The following PABPC3 variants were observed in gnomAD, a reference collection of about 807,000 sequenced individuals.
PABPC3 encodes the protein polyadenylate-binding protein 3.
In PABPC3, 43 loss-of-function variants were observed where a neutral mutation model predicts 43.0. The ratio of observed to expected loss-of-function variants is 1.00; its 90% CI spans 0.78 to 1.29. PABPC3 has a LOEUF of 1.29. PABPC3 is among the 50% of genes most tolerant of loss of function. PABPC3 has a pLI of 0.00. For missense variants in PABPC3, 784 were observed against 798.1 expected (o/e 0.98, Z 0.21); for synonymous variants, 221 against 274.6 (o/e 0.80, Z 1.93).
rs17852446 is a variant in PABPC3 at position 25,097,422 on chromosome 13, A to G, written c.1224A>G (p.Pro408=). ...PPSGYFMTAV[P]QTQNHAAYYP... is the part of the protein sequence containing the mutation. ...CAGGTTACTTCATGACAGCTGTCCC[A>G]CAGACTCAGAACCATGCTGCATACT... The change falls in exon 1 of 1, where the codon CCA becomes CCG. Residue 408 remains proline (P), a synonymous_variant. Coordinates refer to ENST00000281589, the MANE Select transcript of PABPC3 (RefSeq NM_030979.3). 6.2e-7 allele frequency: 1 copy of G among 1,614,152 alleles called. No homozygotes were observed. The highest frequency in any genetic ancestry group is 1.1e-5 in the South Asian group (1 of 91,082).
rs551136415 is a variant in PABPC3 at position 25,097,894 on chromosome 13, C to A, written c.1696C>A (p.Gln566Lys). 3 of 1,613,966 alleles carry A rather than the reference C, an allele frequency of 1.9e-6. No homozygotes were observed. Among genetic ancestry groups the A allele is most frequent in the African/African-American group, 2.7e-5 (2 of 75,028 alleles). The change falls in exon 1 of 1, where the codon CAA (glutamine) becomes AAA (lysine). Residue 566 changes from glutamine (Q) to lysine (K), a missense_variant. Coordinates refer to ENST00000281589, the MANE Select transcript of PABPC3 (RefSeq NM_030979.3). ...MLGERLFPLI[Q>K]AMHPTLAGKI... ...AGGTGAACGGCTCTTTCCTCTTATTCAAGCCATGCACCCTACTCTTGCTGG... is the reference window on the plus strand; with the variant it reads ...AGGTGAACGGCTCTTTCCTCTTATTAAAGCCATGCACCCTACTCTTGCTGG...
In PABPC3 at chr13:25,097,416, T is replaced by A. The variant is rs1472331602; in HGVS notation, c.1218T>A (p.Ala406=). 1 of 1,614,050 alleles carries A rather than the reference T, an allele frequency of 6.2e-7. No individual in the cohort carries two copies. Among genetic ancestry groups the A allele is most frequent in the African/African-American group, 1.3e-5 (1 of 74,936 alleles). Reference sequence around the variant, plus strand: ...CTCCTTCAGGTTACTTCATGACAGCTGTCCCACAGACTCAGAACCATGCTG... The same window carrying A: ...CTCCTTCAGGTTACTTCATGACAGCAGTCCCACAGACTCAGAACCATGCTG... ...RAPPSGYFMT[A]VPQTQNHAAY... The change falls in exon 1 of 1, where the codon GCT becomes GCA. Residue 406 remains alanine (A), a synonymous_variant. Coordinates refer to ENST00000281589, the MANE Select transcript of PABPC3 (RefSeq NM_030979.3).
the PABPC3 span, chr13:25,096,352 T>TC: frequency 6.2e-7 from 1 of 1,614,204 alleles, no homozygotes; most frequent in Non-Finnish European, 8.5e-7. Context: ...CAGCGGCTCC[T>TC]CCAACTACGC....
chr13:25,096,367 G>A lies in PABPC3; in HGVS notation c.169G>A (p.Val57Met), dbSNP rs751245217. Reference protein sequence around the residue: ...ITSGSSNYAYVNFQHTKDAEH... With the variant: ...ITSGSSNYAYMNFQHTKDAEH... ...CAGCGGCTCCTCCAACTACGCGTATGTGAACTTCCAGCATACGAAGGACGC... is the reference window on the plus strand; with the variant it reads ...CAGCGGCTCCTCCAACTACGCGTATATGAACTTCCAGCATACGAAGGACGC... The change falls in exon 1 of 1, where the codon GTG becomes ATG. Residue 57 changes from valine to methionine, a missense_variant. By Grantham distance (21) the Val-to-Met change is conservative. Transcript: ENST00000281589. 5.5e-5 allele frequency: 89 copies of A among 1,614,114 alleles called. No individual in the cohort carries two copies. The South Asian group carries it at 9.3e-4, about 17-fold the overall frequency.
At position 25,096,586 on chromosome 13, in the gene PABPC3, G is replaced by A. The variant is rs1565996061; in HGVS notation, c.388G>A (p.Val130Met). Residue 130 changes from valine (V) to methionine (M), a missense_variant, in exon 1 of 1, where the codon GTG (valine) becomes ATG (methionine). Physicochemically the swap from Val to Met is conservative, Grantham distance 21. Coordinates refer to ENST00000281589, the MANE Select transcript of PABPC3 (RefSeq NM_030979.3). Reference protein sequence around the residue: ...SAFGNILSCNVVCDENGSKGY... With the variant: ...SAFGNILSCNMVCDENGSKGY... ...TTTTGGTAACATCCTTTCGTGTAAC[G>A]TGGTTTGTGATGAAAATGGTTCCAA... 5.0e-6 allele frequency: 8 copies of A among 1,614,260 alleles called. No individual in the cohort carries two copies. Among genetic ancestry groups the A allele is most frequent in the Admixed American group, 1.7e-5 (1 of 60,024 alleles).
rs868330957 is a variant in PABPC3 at position 25,096,866 on chromosome 13, T to C, written c.668T>C (p.Met223Thr). 1.9e-6 allele frequency: 3 copies of C among 1,614,286 alleles called. No homozygotes were observed. The Admixed American group carries it at 5.0e-5, about 27-fold the overall frequency. The change falls in exon 1 of 1, where the codon ATG (methionine) becomes ACG (threonine). Residue 223 changes from methionine to threonine, a missense_variant. By Grantham distance (81) the Met-to-Thr change is moderately conservative. Transcript: ENST00000281589. ...GGGCCCGCCTTAAGTGTGAAAGTAA[T>C]GACCGATGAAAGTGGAAAATCCAAA... is the stretch of plus-strand genomic sequence containing the variant. The part of the protein sequence containing the change: ...KFGPALSVKV[M>T]TDESGKSKGF...
At position 25,097,456 on chromosome 13, in the gene PABPC3, A is replaced by G; in HGVS notation, c.1258A>G (p.Ser420Gly). The change falls in exon 1 of 1, where the codon AGC becomes GGC. Residue 420 changes from serine (S) to glycine (G), a missense_variant. By Grantham distance (56) the Ser-to-Gly change is moderately conservative (BLOSUM62 0). Coordinates refer to ENST00000281589, the MANE Select transcript of PABPC3 (RefSeq NM_030979.3). ...TQNHAAYYPP[S>G]QIARLRPSPR... The stretch of plus-strand genomic sequence containing the variant: ...GAACCATGCTGCATACTATCCTCCT[A>G]GCCAAATTGCTCGACTAAGACCAAG... 2 of 1,614,210 alleles carry G rather than the reference A, an allele frequency of 1.2e-6. No individual in the cohort carries two copies. The highest frequency in any genetic ancestry group is 1.7e-6 in the Non-Finnish European group (2 of 1,180,038).
In PABPC3 at chr13:25,097,621, C is replaced by A. The variant is rs115121649; in HGVS notation, c.1423C>A (p.Arg475Ser). ...GGTTCCACGAGTCATGTCAACGCAGCGTGTTGCTAACACATCAACACAGAC... is the reference window on the plus strand; with the variant it reads ...GGTTCCACGAGTCATGTCAACGCAGAGTGTTGCTAACACATCAACACAGAC... Reference protein sequence around the residue: ...SQVPRVMSTQRVANTSTQTVG... With the variant: ...SQVPRVMSTQSVANTSTQTVG... The change falls in exon 1 of 1, where the codon CGT becomes AGT. Residue 475 changes from arginine (R) to serine (S), a missense_variant. Coordinates refer to ENST00000281589, the MANE Select transcript of PABPC3 (RefSeq NM_030979.3). 2.1e-6 allele frequency: 3 copies of A among 1,444,092 alleles called. No individual in the cohort carries two copies. The highest frequency in any genetic ancestry group is 1.9e-6 in the Non-Finnish European group (2 of 1,046,446). 89.5% of individuals were successfully genotyped at this position (1,444,092 alleles called of 1,614,324 possible). A position where few individuals can be genotyped will look rare whatever the true frequency, so the allele number is the denominator to read the frequency against.
At chr13:25,098,053 C>T in the PABPC3 span, 4 of 1,613,932 alleles carry the variant, frequency 2.5e-6, no homozygotes, top group Non-Finnish European at 2.5e-6. Flanking sequence ...AGAGGCTACC[C>T]AGAAAGCAGT....
At position 25,097,155 on chromosome 13, in the gene PABPC3, A is replaced by G. The variant is rs1329984978; in HGVS notation, c.957A>G (p.Thr319=). 5 of 1,614,296 alleles carry G rather than the reference A, an allele frequency of 3.1e-6. No homozygotes were observed. In the African/African-American group the frequency reaches 4.0e-5, roughly 13 times the overall value. Residue 319 remains threonine (T), a synonymous_variant, in exon 1 of 1, where the codon ACA becomes ACG. Coordinates refer to ENST00000281589, the MANE Select transcript of PABPC3 (RefSeq NM_030979.3). The stretch of plus-strand genomic sequence containing the variant: ...GGAAAGCGTTTTCTCCATTTGGTAC[A>G]ATCACTAGTGCAAAGGTTATGATGG... The part of the protein sequence containing the change: ...RLRKAFSPFG[T]ITSAKVMMEG...
rs746890216 is a variant in PABPC3, at chr13:25,097,481, G to C, written c.1283G>C (p.Ser428Thr). Reference sequence around the variant, plus strand: ...AGCCAAATTGCTCGACTAAGACCAAGTCCTCGCTGGACTGCTCAGGGTGCC... The same window carrying C: ...AGCCAAATTGCTCGACTAAGACCAACTCCTCGCTGGACTGCTCAGGGTGCC... ...PPSQIARLRP[S>T]PRWTAQGARP... The change falls in exon 1 of 1, where the codon AGT becomes ACT. Residue 428 changes from serine to threonine, a missense_variant. Ser to Thr is a moderately conservative substitution (Grantham distance 58). Coordinates refer to ENST00000281589, the MANE Select transcript of PABPC3 (RefSeq NM_030979.3). 1.2e-6 allele frequency: 2 copies of C among 1,614,242 alleles called. No individual in the cohort carries two copies. The highest frequency in any genetic ancestry group is 2.2e-5 in the South Asian group (2 of 91,092).
rs150896057 is a variant in PABPC3, at chr13:25,096,387, G to A, written c.189G>A (p.Lys63=). The change falls in exon 1 of 1, where the codon AAG becomes AAA. Residue 63 remains lysine, a synonymous_variant. Coordinates refer to ENST00000281589, the MANE Select transcript of PABPC3 (RefSeq NM_030979.3). ...NYAYVNFQHT[K]DAEHALDTMN... ...CGTATGTGAACTTCCAGCATACGAA[G>A]GACGCGGAGCATGCTCTGGACACCA... 1.4e-5 allele frequency: 22 copies of A among 1,614,122 alleles called. No homozygotes were observed. The highest frequency in any genetic ancestry group is 2.7e-5 in the African/African-American group (2 of 74,946).
chr13:25,097,223 C>G lies in PABPC3; in HGVS notation c.1025C>G (p.Ser342Cys), dbSNP rs1204303758. ...GGGTTTGGTTTTGTATGTTTCTCCT[C>G]CCCAGAAGAAGCCACTAAAGCAGTT... ...SKGFGFVCFS[S>C]PEEATKAVTE... Residue 342 changes from serine to cysteine, a missense_variant, in exon 1 of 1, where the codon TCC becomes TGC. Physicochemically the swap from Ser to Cys is moderately radical, Grantham distance 112. Transcript: ENST00000281589. 6.2e-7 allele frequency: 1 copy of G among 1,614,270 alleles called. No individual in the cohort carries two copies. Among genetic ancestry groups the G allele is most frequent in the South Asian group, 1.1e-5 (1 of 91,088 alleles).
Position 25,097,466 on chromosome 13 carries a change from C to T in PABPC3, c.1268C>T (p.Ala423Val). ...GCATACTATCCTCCTAGCCAAATTGCTCGACTAAGACCAAGTCCTCGCTGG... is the reference window on the plus strand; with the variant it reads ...GCATACTATCCTCCTAGCCAAATTGTTCGACTAAGACCAAGTCCTCGCTGG... ...HAAYYPPSQI[A>V]RLRPSPRWTA... The change falls in exon 1 of 1, where the codon GCT (alanine) becomes GTT (valine). Residue 423 changes from alanine to valine, a missense_variant. Transcript: ENST00000281589. 1.2e-6 allele frequency: 2 copies of T among 1,614,258 alleles called. No homozygotes were observed. Among genetic ancestry groups the T allele is most frequent in the Non-Finnish European group, 1.7e-6 (2 of 1,180,052 alleles).
Position 25,096,494 on chromosome 13 carries a change from G to A in PABPC3, c.296G>A (p.Gly99Asp), listed in dbSNP as rs747630536. The A allele has an allele frequency of 6.2e-7, 1 of 1,614,186 alleles. No homozygotes were observed. Residue 99 changes from glycine (G) to aspartate (D), a missense_variant, in exon 1 of 1, where the codon GGC (glycine) becomes GAC (aspartate). By Grantham distance (94) the Gly-to-Asp change is moderately conservative. Transcript: ENST00000281589. Reference sequence around the variant, plus strand: ...CCATCACTTCGAAAAAGTGGAGTGGGCAACATATTCGTTAAAAATCTGGAT... The same window carrying A: ...CCATCACTTCGAAAAAGTGGAGTGGACAACATATTCGTTAAAAATCTGGAT... Reference protein sequence around the residue: ...RDPSLRKSGVGNIFVKNLDKS... With the variant: ...RDPSLRKSGVDNIFVKNLDKS...
chr13:25,097,034 C>T lies in PABPC3; in HGVS notation c.836C>T (p.Thr279Ile), dbSNP rs79593984. 2.0e-6 allele frequency: 3 copies of T among 1,529,684 alleles called. No homozygotes were observed. The highest frequency in any genetic ancestry group is 1.7e-5 in the Admixed American group (1 of 57,484). 94.8% of individuals were successfully genotyped at this position (1,529,684 alleles called of 1,614,324 possible). ...GAACGGCAGACGGAACTTAAGCGCA[C>T]ATTTGAACAGATGAAGCAAGATAGG... ...KVERQTELKR[T>I]FEQMKQDRIT... is the part of the protein sequence containing the mutation. The change falls in exon 1 of 1, where the codon ACA becomes ATA. Residue 279 changes from threonine to isoleucine, a missense_variant. By Grantham distance (89) the Thr-to-Ile change is moderately conservative. Transcript: ENST00000281589.
In PABPC3 at chr13:25,096,977, A is replaced by G; in HGVS notation, c.779A>G (p.Gln260Arg). The change falls in exon 1 of 1, where the codon CAA (glutamine) becomes CGA (arginine). Residue 260 changes from glutamine to arginine, a missense_variant. By Grantham distance (43) the Gln-to-Arg change is conservative. Transcript: ENST00000281589. ...EMNGKELNGK[Q>R]IYVGRAQKKV... is the part of the protein sequence containing the mutation. ...AATGGAAAGGAGCTCAATGGAAAAC[A>G]AATTTACGTTGGTCGAGCTCAGAAA... 6.2e-7 allele frequency: 1 copy of G among 1,614,282 alleles called. No homozygotes were observed. Among genetic ancestry groups the G allele is most frequent in the Non-Finnish European group, 8.5e-7 (1 of 1,180,036 alleles).
In PABPC3 at chr13:25,096,306, C is replaced by G. The variant is rs764988392; in HGVS notation, c.108C>G (p.Pro36=). The change falls in exon 1 of 1, where the codon CCC becomes CCG. Residue 36 remains proline, a synonymous_variant. Transcript: ENST00000281589. ...ACGAGAAGTTCAGCCCGGCAGGGCCCATCCTCTCCATCCGGATCTGCAGGG... is the reference window on the plus strand; with the variant it reads ...ACGAGAAGTTCAGCCCGGCAGGGCCGATCCTCTCCATCCGGATCTGCAGGG... ...MLYEKFSPAG[P]ILSIRICRDL... 6.2e-7 allele frequency: 1 copy of G among 1,614,270 alleles called. No homozygotes were observed. Among genetic ancestry groups the G allele is most frequent in the Non-Finnish European group, 8.5e-7 (1 of 1,180,054 alleles).
Position 25,098,308 on chromosome 13 carries a change from C to CA in PABPC3, c.*222dup, listed in dbSNP as rs546832719. 1.2e-3 allele frequency: 541 copies of CA among 440,974 alleles called. 2 individuals are homozygous for CA. Among genetic ancestry groups the CA allele is most frequent in the African/African-American group, 8.8e-3 (428 of 48,444 alleles). 27.3% of individuals were successfully genotyped at this position (440,974 alleles called of 1,614,324 possible). ...CCTAGATTACTTATTGATTTAAAAA[C>CA]AAAAAAAAGATTACTTAATTTTGAT... is the stretch of plus-strand genomic sequence containing the variant. On this transcript the variant is annotated 3_prime_UTR_variant, in exon 1 of 1. Transcript: ENST00000281589.
Sources: gnomAD v4.1 joint callset for allele counts on GRCh38, gnomAD v4.1.1 for gene constraint, MANE v1.5 for transcripts, NCBI Gene and HGNC (gene_info 2026-07-23, HGNC 2026-07-21) for gene names.